SNED1: variants seen among roughly 807,000 people sequenced by gnomAD.
The protein encoded by SNED1 is sushi, nidogen and EGF-like domain-containing protein 1.
Under a neutral mutation model 166.7 loss-of-function variants are expected in SNED1, and 81 were observed. The observed-to-expected ratio is 0.49, with a 90% CI of 0.41 to 0.58. SNED1 has a LOEUF of 0.58. Among genes scored for constraint, SNED1 ranks in the 20% least tolerant of loss-of-function variants. The probability of loss-of-function intolerance (pLI) is 0.00; values close to 1 mark genes in which losing one functional copy is unlikely to be tolerated. For synonymous variants in SNED1, 762 were observed against 822.0 expected, an observed-to-expected ratio of 0.93 and a Z score of 1.25; for missense variants, 1,604 against 2,000.2, an observed-to-expected ratio of 0.80 and a Z score of 3.78.
At chr2:241,010,900 G>A (rs1379514750) in intron 1 of SNED1, among the ~76,000 whole-genome samples, 2 of 152,192 alleles carry the variant, frequency 1.3e-5, no homozygotes, top group Non-Finnish European at 2.9e-5. Flanking sequence ...TGCAGGCAGA[G>A]CCGGGACCCC....
In SNED1 at chr2:241,072,333, G is replaced by T. The variant is rs1481836877; in HGVS notation, c.3817+455G>T. ...TTCCCGGTGGCAGCAAGGCTGATGG[G>T]CCCAGGTGCCTTGGGCCCTTCCCAC... On this transcript the variant is annotated intron_variant, in intron 26 of 31. Coordinates refer to ENST00000310397, the MANE Select transcript of SNED1 (RefSeq NM_001080437.3). 4 of 405,390 alleles carry T rather than the reference G, an allele frequency of 9.9e-6. No individual in the cohort carries two copies. The Admixed American group carries it at 1.1e-4, about 11-fold the overall frequency. 25.1% of individuals were successfully genotyped at this position (405,390 alleles called of 1,614,324 possible). A position where few individuals can be genotyped will look rare whatever the true frequency, so the allele number is the denominator to read the frequency against.
In SNED1 at chr2:241,048,788, C is replaced by A. The variant is rs73110179; in HGVS notation, c.1504+22C>A. On this transcript the variant is annotated intron_variant, in intron 10 of 31. Transcript: ENST00000310397. ...TTTGGTAGGTGCCCAGGTCACCCTT[C>A]CTGCCCTGTCCCTGAGCATCCTCAT... is the stretch of plus-strand genomic sequence containing the variant. The A allele has an allele frequency of 4.9e-4, 770 of 1,557,290 alleles. 1 individual carries two copies. In the African/African-American group the frequency reaches 8.1e-3, roughly 16 times the overall value.
chr2:241,075,944 T>C lies in SNED1; in HGVS notation c.3916+2580T>C, dbSNP rs577403448. ...TCATCTCTTCATGCTAAAAAGTCCCTTTTTCCCCCACTGTCAGTATCAAAA... is the reference window on the plus strand; with the variant it reads ...TCATCTCTTCATGCTAAAAAGTCCCCTTTTCCCCCACTGTCAGTATCAAAA... On this transcript the variant is annotated intron_variant, in intron 27 of 31. Transcript: ENST00000310397. The surrounding 1 kb of genome is among the most constrained non-coding windows in gnomAD (Gnocchi z 4.8). Among the ~76,000 whole-genome samples, 3 of 152,326 alleles carry C rather than the reference T, an allele frequency of 2.0e-5. No individual in the cohort carries two copies. The highest frequency in any genetic ancestry group is 2.1e-4 in the South Asian group (1 of 4,818).
At chr2:241,004,151 G>A (rs1443122551) in intron 1 of SNED1, among the ~76,000 whole-genome samples, 1 of 152,240 alleles carries the variant, frequency 6.6e-6, no homozygotes, top group South Asian at 2.1e-4. Context: ...ATGAAGAAAG[G>A]AGATGTATAT....
intron 18 of SNED1, 77 bp from the exon 19 acceptor site, chr2:241,063,935 C>A: frequency 8.7e-7 from 1 of 1,144,444 alleles, no homozygotes; most frequent in Non-Finnish European, 1.3e-6. Flanking sequence ...CCTCCTTTCC[C>A]TTCTTCCCGC....
Position 241,092,278 on chromosome 2 carries a change from G to A in SNED1, c.*642G>A, listed in dbSNP as rs1389802565. 1 of 152,176 alleles carries A rather than the reference G, an allele frequency of 6.6e-6. No individual in the cohort carries two copies. The highest frequency in any genetic ancestry group is 1.5e-5 in the Non-Finnish European group (1 of 68,046). 9.4% of individuals were successfully genotyped at this position (152,176 alleles called of 1,614,324 possible). On this transcript the variant is annotated 3_prime_UTR_variant, in exon 32 of 32. Coordinates refer to ENST00000310397, the MANE Select transcript of SNED1 (RefSeq NM_001080437.3). The surrounding 1 kb of genome is among the most constrained non-coding windows in gnomAD (Gnocchi z 4.6). ...AGTTCAGACTTTTTTAGACAACGGCGCGACTGGCAGCCTTTCTCTATCAAG... is the reference window on the plus strand; with the variant it reads ...AGTTCAGACTTTTTTAGACAACGGCACGACTGGCAGCCTTTCTCTATCAAG...
intron 2 of SNED1, among the ~76,000 whole-genome samples, chr2:241,030,810 C>G (rs1016893074): frequency 1.3e-5 from 2 of 152,234 alleles, no homozygotes; most frequent in Non-Finnish European, 2.9e-5. Flanking sequence ...AGCAGCAGCT[C>G]ACATGTCAGA....
intron 1 of SNED1, among the ~76,000 whole-genome samples, chr2:241,027,308 T>C (rs1281214918): frequency 6.6e-6 from 1 of 152,220 alleles, no homozygotes. Context: ...CTTGAACTCC[T>C]GACCTCAGGT....
At chr2:241,003,984 A>AGCCCCTGGGCTGGAC (rs2060146017) in intron 1 of SNED1, among the ~76,000 whole-genome samples, 1 of 152,246 alleles carries the variant, frequency 6.6e-6, no homozygotes, top group South Asian at 2.1e-4. Flanking sequence ...TAGGGCTGGA[A>AGCCCCTGGGCTGGAC]GCCCCTGGGC....
chr2:241,038,817 C>G (rs2061444526), intron 6 of SNED1, among the ~76,000 whole-genome samples: 1 of 152,180 alleles, frequency 6.6e-6, no homozygotes. Context: ...GCGGTGCTGG[C>G]CAGGGGCCTG....
At chr2:241,032,870 T>G (rs1403762692) in intron 2 of SNED1, among the ~76,000 whole-genome samples, 1 of 152,228 alleles carries the variant, frequency 6.6e-6, no homozygotes, top group African/African-American at 2.4e-5. Context: ...TTCTTATTGA[T>G]CTGTAGTTCT....
chr2:241,025,214 G>A (rs975412273), intron 1 of SNED1, among the ~76,000 whole-genome samples: 1 of 152,144 alleles, frequency 6.6e-6, no homozygotes, highest in Non-Finnish European at 1.5e-5. Flanking sequence ...CTATGCATGC[G>A]AGGGATCTAG....
chr2:241,059,618 G>A (rs2062169664), intron 16 of SNED1, among the ~76,000 whole-genome samples: 1 of 151,486 alleles, frequency 6.6e-6, no homozygotes. Flanking sequence ...AAGGACACAG[G>A]TTGGTCTAAC....
At position 240,998,637 on chromosome 2, in the gene SNED1, C is replaced by T. The variant is rs1332447747; in HGVS notation, c.-201C>T. On this transcript the variant is annotated 5_prime_UTR_variant, in exon 1 of 32. Coordinates refer to ENST00000310397, the MANE Select transcript of SNED1 (RefSeq NM_001080437.3). ...GGGGCTGGCCCCGAACGCGGTCCCG[C>T]CCGGCGCTTTCCTCTGCGGAGCTGC... Among the ~76,000 whole-genome samples, 1 of 151,532 alleles carries T rather than the reference C, an allele frequency of 6.6e-6. No homozygotes were observed. The highest frequency in any genetic ancestry group is 1.5e-5 in the Non-Finnish European group (1 of 67,848).
At chr2:241,029,731 C>G (rs2124975380) in intron 1 of SNED1, among the ~76,000 whole-genome samples, 1 of 152,362 alleles carries the variant, frequency 6.6e-6, no homozygotes, top group South Asian at 2.1e-4. Flanking sequence ...TCCCCGCTGC[C>G]TGGAGGCCGA....
intron 24 of SNED1, 85 bp from the exon 25 acceptor site, chr2:241,071,491 T>C (rs1350077566): frequency 6.1e-6 from 9 of 1,464,224 alleles, no homozygotes; most frequent in Non-Finnish European, 8.3e-6. Context: ...CGGCTGAGTG[T>C]GAGGGGCACC....
chr2:241,085,031 C>A (rs1308336336), intron 29 of SNED1, among the ~76,000 whole-genome samples: 1 of 152,036 alleles, frequency 6.6e-6, no homozygotes, highest in East Asian at 1.9e-4. Flanking sequence ...ATGTGTCTTC[C>A]TGCCCCTTTT....
chr2:241,032,903 T>C (rs2061233162), intron 2 of SNED1, among the ~76,000 whole-genome samples: 1 of 152,242 alleles, frequency 6.6e-6, no homozygotes, highest in East Asian at 1.9e-4. Context: ...CTCGATAATT[T>C]TATCTGCTGT....
chr2:241,038,008 C>T (rs924750945), intron 6 of SNED1, among the ~76,000 whole-genome samples: 2 of 152,114 alleles, frequency 1.3e-5, no homozygotes, highest in African/African-American at 4.8e-5. Flanking sequence ...TACTGCCCTT[C>T]CCCCGGCACC....
Sources: allele counts gnomAD v4.1 joint callset (sites outside exome capture counted in the v4.1 genomes callset), GRCh38; gene constraint gnomAD v4.1.1; non-coding constraint Gnocchi (gnomAD v3.1); transcripts MANE v1.5; gene names NCBI Gene and HGNC (gene_info 2026-07-23, HGNC 2026-07-21).